Variants in CRADD observed in about 807,000 individuals in gnomAD.
CRADD encodes the protein death domain-containing protein CRADD.
CRADD carries 9 observed loss-of-function variants against 15.5 expected under a neutral mutation model. The observed-to-expected ratio is 0.58, with a 90% CI of 0.35 to 1.01. The LOEUF (loss-of-function observed/expected upper bound fraction) is 1.01, where lower values mean the gene tolerates loss of function less well. CRADD is among the 50% of genes least tolerant of loss of function. The pLI is 0.02. For synonymous variants in CRADD, 118 were observed against 107.6 expected (o/e 1.10, Z -0.60); for missense variants, 227 against 250.3 (o/e 0.91, Z 0.63).
chr12:93,686,883 G>A (rs1955453107), intron 2 of CRADD, among the ~76,000 whole-genome samples: 1 of 151,330 alleles, frequency 6.6e-6, no homozygotes, highest in South Asian at 2.1e-4. Context: ...GTTAATAATT[G>A]AAAGAGGCTT....
chr12:93,891,818 C>T (rs1318265422), intron 2 of CRADD, among the ~76,000 whole-genome samples: 3 of 152,198 alleles, frequency 2.0e-5, no homozygotes, highest in East Asian at 1.9e-4. Context: ...GCACTTCTCA[C>T]CACACTGCCT....
At chr12:93,771,392 A>G (rs1424726272) in intron 2 of CRADD, among the ~76,000 whole-genome samples, 2 of 152,218 alleles carry the variant, frequency 1.3e-5, no homozygotes, top group Non-Finnish European at 2.9e-5. Context: ...ACTAGTTTTC[A>G]TCTGGCCATT....
intron 2 of CRADD, among the ~76,000 whole-genome samples, chr12:93,716,537 C>T (rs1956166395): frequency 6.6e-6 from 1 of 152,126 alleles, no homozygotes; most frequent in Admixed American, 6.5e-5. Flanking sequence ...ATTGTTCATC[C>T]CTCCTTCCAC....
chr12:93,759,954 G>A (rs905494465), intron 2 of CRADD, among the ~76,000 whole-genome samples: 1 of 152,190 alleles, frequency 6.6e-6, no homozygotes, highest in Non-Finnish European at 1.5e-5. Context: ...ATCTGATGGT[G>A]GGGTGTGGCA....
chr12:93,818,160 A>G (rs995209825), intron 2 of CRADD, among the ~76,000 whole-genome samples: 1 of 152,204 alleles, frequency 6.6e-6, no homozygotes, highest in Non-Finnish European at 1.5e-5. Context: ...GGACACGAAC[A>G]TGCATGCTTG....
downstream of CRADD, among the ~76,000 whole-genome samples, chr12:93,853,296 A>G (rs1260199163): frequency 6.6e-6 from 1 of 152,208 alleles, no homozygotes; most frequent in Non-Finnish European, 1.5e-5. Context: ...CAATTTTATT[A>G]CAAGAATGGG....
At chr12:93,861,640 C>G (rs958566270) in intron 2 of CRADD, among the ~76,000 whole-genome samples, 1 of 152,144 alleles carries the variant, frequency 6.6e-6, no homozygotes, top group South Asian at 2.1e-4. Context: ...TCAAGGAGTC[C>G]GCTCAGGCCT....
At chr12:93,798,453 C>T (rs138502039) in intron 2 of CRADD, among the ~76,000 whole-genome samples, 120 of 152,278 alleles carry the variant, frequency 7.9e-4, no homozygotes, top group African/African-American at 2.8e-3. Context: ...TGTTACACTT[C>T]ACTCAGTCCT....
At chr12:93,794,247 C>T (rs1018238297) in intron 2 of CRADD, among the ~76,000 whole-genome samples, 2 of 152,160 alleles carry the variant, frequency 1.3e-5, no homozygotes, top group African/African-American at 4.8e-5. Context: ...TGAGTAATCT[C>T]ATTGGGTCCC....
At chr12:93,679,352 G>T (rs1286265042) in intron 2 of CRADD, among the ~76,000 whole-genome samples, 2 of 152,132 alleles carry the variant, frequency 1.3e-5, no homozygotes, top group Admixed American at 6.5e-5. Flanking sequence ...ATGTTGGCCA[G>T]GCTGGTCTCG....
intron 2 of CRADD, among the ~76,000 whole-genome samples, chr12:93,781,725 T>A (rs1256810975): frequency 1.3e-5 from 2 of 152,224 alleles, no homozygotes; most frequent in Non-Finnish European, 2.9e-5. Flanking sequence ...CATCTAACTA[T>A]TAATACCAGG....
intron 2 of CRADD, among the ~76,000 whole-genome samples, chr12:93,842,644 A>G (rs1453773455): frequency 6.6e-6 from 1 of 152,152 alleles, no homozygotes; most frequent in Non-Finnish European, 1.5e-5. Flanking sequence ...AAAATGCAAT[A>G]GGGATTAGAG....
At chr12:93,776,097 A>G (rs1187725823) in intron 2 of CRADD, among the ~76,000 whole-genome samples, 1 of 152,192 alleles carries the variant, frequency 6.6e-6, no homozygotes, top group Non-Finnish European at 1.5e-5. Context: ...GAACCCATTT[A>G]ATATATGCAT....
At chr12:93,814,790 G>A (rs564598995) in intron 2 of CRADD, among the ~76,000 whole-genome samples, 2 of 152,318 alleles carry the variant, frequency 1.3e-5, no homozygotes, top group South Asian at 2.1e-4. Flanking sequence ...ATGAGACAGA[G>A]CCAACAAGGA....
intron 2 of CRADD, among the ~76,000 whole-genome samples, chr12:93,734,963 C>T (rs143993752): frequency 3.9e-5 from 6 of 152,236 alleles, no homozygotes; most frequent in Non-Finnish European, 5.9e-5. Flanking sequence ...TCTCATAGCA[C>T]CCTGTGATTT....
intron 2 of CRADD, among the ~76,000 whole-genome samples, chr12:93,881,287 CTTTGTTTG>C (rs375720643): frequency 3.3e-5 from 5 of 151,904 alleles, no homozygotes; most frequent in Non-Finnish European, 7.4e-5. Flanking sequence ...TCAGGCAGCA[CTTTGTTTG>C]TTTGTTTGTT....
intron 2 of CRADD, among the ~76,000 whole-genome samples, chr12:93,699,693 T>C (rs766005948): frequency 2.6e-5 from 4 of 152,246 alleles, no homozygotes; most frequent in South Asian, 2.1e-4. Context: ...TTCCCTGAGA[T>C]AGCCATTGTA....
intron 2 of CRADD, among the ~76,000 whole-genome samples, chr12:93,793,557 CAGTG>C (rs566407016): frequency 3.9e-5 from 6 of 152,180 alleles, no homozygotes; most frequent in Non-Finnish European, 5.9e-5. Flanking sequence ...GGAATTTTCT[CAGTG>C]AGAGCACTGT....
At chr12:93,757,243 C>T (rs774459731) in intron 2 of CRADD, among the ~76,000 whole-genome samples, 1 of 152,142 alleles carries the variant, frequency 6.6e-6, no homozygotes, top group Non-Finnish European at 1.5e-5. Flanking sequence ...TTTCATTATG[C>T]CGAAGACCAT....
Sources: gnomAD v4.1 joint callset for allele counts (sites outside exome capture counted in the v4.1 genomes callset) on GRCh38, gnomAD v4.1.1 for gene constraint, MANE v1.5 for transcripts, NCBI Gene and HGNC (gene_info 2026-07-23, HGNC 2026-07-21) for gene names.